Variants in USP36 observed in about 807,000 individuals in gnomAD.
USP36 encodes ubiquitin specific peptidase 36.
A neutral mutation model predicts 111.5 loss-of-function variants in USP36; 59 were observed. That is an observed-to-expected ratio of 0.53 (90% CI 0.43 to 0.66). The LOEUF (loss-of-function observed/expected upper bound fraction) is 0.66. USP36 is among the 30% of genes least tolerant of loss of function. The probability of loss-of-function intolerance (pLI) is 0.00; values close to 1 mark genes in which losing one functional copy is unlikely to be tolerated. For missense variants in USP36, 1,488 were observed against 1,468.0 expected (o/e 1.01, Z -0.22); for synonymous variants, 628 against 581.0 (o/e 1.08, Z -1.16).
chr17:78,807,962 C>T (rs922512765), intron 13 of USP36, among the ~76,000 whole-genome samples: 2 of 152,164 alleles, frequency 1.3e-5, no homozygotes, highest in African/African-American at 4.8e-5. Flanking sequence ...CCTCAGCCTC[C>T]AGAAGTGTTG....
At chr17:78,818,014 G>A (rs182262524) in intron 10 of USP36, among the ~76,000 whole-genome samples, 2 of 152,310 alleles carry the variant, frequency 1.3e-5, no homozygotes, top group South Asian at 2.1e-4. Context: ...GAGCTTGGGA[G>A]GTCAAGACTG....
At chr17:78,815,341 A>G (rs188042684) in intron 10 of USP36, among the ~76,000 whole-genome samples, 46 of 152,250 alleles carry the variant, frequency 3.0e-4, no homozygotes, top group Middle Eastern at 6.8e-3. Flanking sequence ...AAAACAATCA[A>G]AACAAACAAA....
rs1567935709 is a variant in USP36, at chr17:78,812,829, C to G, written c.1407+31G>C. 3.1e-6 allele frequency: 5 copies of G among 1,610,568 alleles called. No individual in the cohort carries two copies. The African/African-American group carries it at 6.7e-5, about 22-fold the overall frequency. Reference sequence around the variant, plus strand: ...GGTCTGTGAGGAGCACCAAGACCAGCCACTTTGGCCTCCATCATTCTCACA... The same window carrying G: ...GGTCTGTGAGGAGCACCAAGACCAGGCACTTTGGCCTCCATCATTCTCACA... On this transcript the variant is annotated intron_variant, in intron 13 of 20. Transcript: ENST00000449938.
chr17:78,788,994 T>C (rs1286725847), intron 3 of USP36, among the ~76,000 whole-genome samples: 6 of 151,388 alleles, frequency 4.0e-5, no homozygotes, highest in African/African-American at 9.7e-5. Flanking sequence ...GGTCAGGAGT[T>C]CGAGACCAGC....
chr17:78,823,055 T>C (rs73407930), intron 6 of USP36: 10,983 of 398,050 alleles, frequency 0.028, 977 homozygotes, highest in African/African-American at 0.2. Context: ...AGGCTACACT[T>C]CCCCTCCCAC....
intron 10 of USP36, among the ~76,000 whole-genome samples, chr17:78,815,619 C>T (rs1295741618): frequency 6.6e-6 from 1 of 152,136 alleles, no homozygotes; most frequent in Non-Finnish European, 1.5e-5. Context: ...TTAATATAGC[C>T]AACTGCTACC....
chr17:78,839,280 C>A (rs1391987792), intron 1 of USP36, among the ~76,000 whole-genome samples: 1 of 152,174 alleles, frequency 6.6e-6, no homozygotes, highest in African/African-American at 2.4e-5. Flanking sequence ...ACATGAGCCC[C>A]CCTTATTCAG....
At position 78,807,314 on chromosome 17, in the gene USP36, A is replaced by G; in HGVS notation, c.1730T>C (p.Val577Ala). Residue 577 changes from valine (V) to alanine (A), a missense_variant, in exon 14 of 21, where the codon GTT becomes GCT. Physicochemically the swap from Val to Ala is moderately conservative, Grantham distance 64 (BLOSUM62 0). Transcript: ENST00000449938. ...QRQGSWDSRD[V>A]VLSTSPKLLA... ...GAGCTTAGGTGAGGTAGAGAGGACAACATCCCTGCTGTCCCAGGAGCCCTG... is the reference window on the plus strand; with the variant it reads ...GAGCTTAGGTGAGGTAGAGAGGACAGCATCCCTGCTGTCCCAGGAGCCCTG... 1 of 1,614,178 alleles carries G rather than the reference A, an allele frequency of 6.2e-7. No individual in the cohort carries two copies. The highest frequency in any genetic ancestry group is 8.5e-7 in the Non-Finnish European group (1 of 1,180,008).
intron 9 of USP36, among the ~76,000 whole-genome samples, chr17:78,819,322 C>A (rs2094262345): frequency 6.6e-6 from 1 of 152,172 alleles, no homozygotes; most frequent in Admixed American, 6.5e-5. Flanking sequence ...AGTGTGATCC[C>A]AGCACTTTGG....
chr17:78,829,092 G>T, intron 4 of USP36, 85 bp from the exon 5 acceptor site: 2 of 1,179,924 alleles, frequency 1.7e-6, no homozygotes, highest in Non-Finnish European at 2.4e-6. Context: ...CGTTAACACA[G>T]CCAGAAACAC....
At chr17:78,830,253 A>G (rs1447421399) in intron 4 of USP36, among the ~76,000 whole-genome samples, 1 of 152,166 alleles carries the variant, frequency 6.6e-6, no homozygotes, top group Non-Finnish European at 1.5e-5. Context: ...CATGTTTCCA[A>G]ACTTCCTTTC....
In USP36 at chr17:78,803,655, T is replaced by C. The variant is rs748548914; in HGVS notation, c.2540A>G (p.Lys847Arg). The stretch of plus-strand genomic sequence containing the variant: ...TGTGTCCTCCGGGCGCTTCTTCTTC[T>C]TCCTCTTCCTCTTCCCGTGGGGAGC... ...TAAPHGKRKR[K>R]KKKRPEDTAA... Residue 847 changes from lysine to arginine, a missense_variant, in exon 16 of 21, where the codon AAG (lysine) becomes AGG (arginine). Physicochemically the swap from Lys to Arg is conservative, Grantham distance 26. This residue lies in a region of USP36 where 1,073 missense variants were observed against 994.1 expected (regional missense o/e 1.08). Transcript: ENST00000449938. The surrounding 1 kb of genome is among the most constrained non-coding windows in gnomAD (Gnocchi z 4.6). 8.7e-6 allele frequency: 14 copies of C among 1,608,616 alleles called. No individual in the cohort carries two copies. The East Asian group carries it at 1.1e-4, about 13-fold the overall frequency.
In USP36 at chr17:78,803,115, T is replaced by C. The variant is rs1404758088; in HGVS notation, c.2810+270A>G. ...CACCATGCCCAACCAATTTTTGTTT[T>C]TGGTAGAGAAAGGGCTTTTCCATAT... On this transcript the variant is annotated intron_variant, in intron 16 of 20. Coordinates refer to ENST00000449938, the MANE Select transcript of USP36 (RefSeq NM_001385174.1). This position sits in a 1 kb window ranked among gnomAD's most constrained non-coding sequence, Gnocchi z 4.6. 6.6e-6 allele frequency among the ~76,000 whole-genome samples: 1 copy of C among 151,974 alleles called. No homozygotes were observed. The highest frequency in any genetic ancestry group is 2.4e-5 in the African/African-American group (1 of 41,368).
chr17:78,792,794 C>G (rs2093594194), downstream of USP36, among the ~76,000 whole-genome samples: 1 of 152,134 alleles, frequency 6.6e-6, no homozygotes, highest in Non-Finnish European at 1.5e-5. Flanking sequence ...TCTTGGCTCA[C>G]TGCAACCTCC....
intron 15 of USP36, among the ~76,000 whole-genome samples, chr17:78,805,461 A>G (rs985565450): frequency 7.9e-5 from 12 of 152,108 alleles, no homozygotes; most frequent in Non-Finnish European, 1.2e-4. Flanking sequence ...AGATTCTAGA[A>G]CTAGAACCCA....
intron 6 of USP36, among the ~76,000 whole-genome samples, chr17:78,823,767 C>T (rs1005888894): frequency 4.6e-5 from 7 of 152,040 alleles, no homozygotes; most frequent in Non-Finnish European, 8.8e-5. Context: ...ACATCAGGGT[C>T]CTGAAAAAAA....
intron 10 of USP36, among the ~76,000 whole-genome samples, chr17:78,815,150 G>A (rs1343638528): frequency 2.6e-5 from 4 of 152,074 alleles, no homozygotes; most frequent in African/African-American, 7.2e-5. Flanking sequence ...TGGCCAAGAT[G>A]GCGAAACCTT....
chr17:78,800,733 C>CA (rs1249216035), intron 17 of USP36, among the ~76,000 whole-genome samples: 2 of 152,206 alleles, frequency 1.3e-5, no homozygotes, highest in Non-Finnish European at 2.9e-5. Flanking sequence ...CACAGGACTG[C>CA]AAGAGCCCAT....
intron 15 of USP36, among the ~76,000 whole-genome samples, chr17:78,805,345 T>G (rs1193992989): frequency 2.0e-5 from 3 of 152,160 alleles, no homozygotes; most frequent in Non-Finnish European, 4.4e-5. Context: ...ACAAATCTTA[T>G]GCTAGGTATA....
Sources: gnomAD v4.1 joint callset for allele counts (sites outside exome capture counted in the v4.1 genomes callset) on GRCh38, gnomAD v4.1.1 for gene constraint, gnomAD v4.1.1 regional missense constraint, Gnocchi (gnomAD v3.1) non-coding constraint, MANE v1.5 for transcripts, NCBI Gene and HGNC (gene_info 2026-07-23, HGNC 2026-07-21) for gene names.